The following WDR11 variants were observed in gnomAD, a reference collection of about 807,000 sequenced individuals.
WDR11 encodes WD repeat domain 11.
Under a neutral mutation model 151.2 loss-of-function variants are expected in WDR11, and 83 were observed. The observed-to-expected ratio is 0.55, with a 90% confidence interval of 0.46 to 0.66. The LOEUF is 0.66. Ranked by LOEUF, WDR11 falls within the 30% of genes least tolerant of loss-of-function variation. WDR11 has a pLI of 0.00. For synonymous variants in WDR11, 484 were observed against 533.1 expected (o/e 0.91, Z 1.27); for missense variants, 1,301 against 1,480.9 (o/e 0.88, Z 1.99).
intron 11 of WDR11, among the ~76,000 whole-genome samples, chr10:120,878,012 C>T (rs547068084): frequency 6.6e-6 from 1 of 152,234 alleles, no homozygotes; most frequent in East Asian, 1.9e-4. Context: ...TTTCTTAGGT[C>T]ATTAGTTTGT....
At chr10:120,852,324 A>C (rs1055584237) in intron 1 of WDR11, 200 bp from the exon 2 acceptor site, 4 of 560,066 alleles carry the variant, frequency 7.1e-6, no homozygotes, top group Admixed American at 3.1e-5. Context: ...ATCCGAATGA[A>C]AAGTGAATTT....
Position 120,878,484 on chromosome 10 carries a change from G to T in WDR11, c.1663+25G>T, listed in dbSNP as rs7923412. The T allele has an allele frequency of 7.2e-5, 112 of 1,565,964 alleles. No individual in the cohort carries two copies. The Middle Eastern group carries it at 1.5e-3, about 21-fold the overall frequency. On this transcript the variant is annotated intron_variant, in intron 12 of 28. Coordinates refer to ENST00000263461, the MANE Select transcript of WDR11 (RefSeq NM_018117.12). ...GGTTTGTTTTTAAAGATCCAAATAGGTTTGTCATATTGAATAAACATGTTG... is the reference window on the plus strand; with the variant it reads ...GGTTTGTTTTTAAAGATCCAAATAGTTTTGTCATATTGAATAAACATGTTG...
At chr10:120,878,578 T>C (rs1846886710) in intron 12 of WDR11, 119 bp downstream of exon 12, 3 of 756,454 alleles carry the variant, frequency 4.0e-6, no homozygotes, top group Non-Finnish European at 6.5e-6. Flanking sequence ...CATGCTTATA[T>C]ATTTATTCTT....
At chr10:120,891,699 T>G (rs1185808387) in intron 19 of WDR11, among the ~76,000 whole-genome samples, 1 of 152,336 alleles carries the variant, frequency 6.6e-6, no homozygotes, top group South Asian at 2.1e-4. Context: ...TATTTGGCAC[T>G]TCAGACACAG....
chr10:120,897,802 C>T (rs10886796), intron 19 of WDR11, among the ~76,000 whole-genome samples: 56,611 of 151,872 alleles, frequency 0.37, 10,652 homozygotes, highest in Admixed American at 0.44. Flanking sequence ...AATACAGCTG[C>T]CAGGACATTT....
chr10:120,879,135 C>T (rs144397905), intron 12 of WDR11: 2 of 152,058 alleles, frequency 1.3e-5, no homozygotes, highest in East Asian at 1.9e-4. Flanking sequence ...TATAGCAACA[C>T]GAATCATATG....
At chr10:120,878,250 G>A (rs1846870616) in intron 11 of WDR11, 103 bp from the exon 12 acceptor site, 2 of 835,922 alleles carry the variant, frequency 2.4e-6, no homozygotes, top group African/African-American at 3.4e-5. Context: ...TAATTAATTT[G>A]TGTAATAAAA....
chr10:120,875,496 A>G (rs1176788997), intron 11 of WDR11, among the ~76,000 whole-genome samples: 1 of 152,122 alleles, frequency 6.6e-6, no homozygotes, highest in Admixed American at 6.6e-5. Flanking sequence ...TATATAAAAT[A>G]TGAATTTCCA....
rs561132034 is a variant in WDR11, at chr10:120,892,755, G to A, written c.2515+1868G>A. ...CACTTCTTCCTCCAATAAAGAGGGG[G>A]CAGTCAGACAAATTAGAAGATTAGA... On this transcript the variant is annotated intron_variant, in intron 19 of 28. Transcript: ENST00000263461. Among the ~76,000 whole-genome samples, 333 of 152,256 alleles carry A rather than the reference G, an allele frequency of 2.2e-3. 1 individual carries two copies. The highest frequency in any genetic ancestry group is 7.8e-3 in the African/African-American group (323 of 41,576).
chr10:120,852,662 A>G, intron 2 of WDR11, 27 bp downstream of exon 2: 1 of 1,580,574 alleles, frequency 6.3e-7, no homozygotes, highest in Non-Finnish European at 8.7e-7. Context: ...TTTGACGCTA[A>G]CATGTTGTCT....
chr10:120,901,655 A>G (rs552799350), intron 21 of WDR11, among the ~76,000 whole-genome samples: 3 of 152,362 alleles, frequency 2.0e-5, no homozygotes, highest in African/African-American at 7.2e-5. Flanking sequence ...TCTGTTACAT[A>G]TAATTATAGT....
intron 7 of WDR11, among the ~76,000 whole-genome samples, 165 bp downstream of exon 7, chr10:120,865,909 A>C (rs965714899): frequency 3.3e-5 from 5 of 152,222 alleles, no homozygotes; most frequent in Non-Finnish European, 7.4e-5. Context: ...GCCCAAGATT[A>C]ATCTCTTGAT....
rs148286007 is a variant in WDR11 at position 120,851,431 on chromosome 10, A to G, written c.11A>G (p.Tyr4Cys). ...GGGCTGGCCGCCGGGATGTTGCCCT[A>G]CACAGTGAACTTCAAGGTGTCGGCG... is the stretch of plus-strand genomic sequence containing the variant. Reference protein sequence around the residue: MLPYTVNFKVSART... With the variant: MLPCTVNFKVSART... Residue 4 changes from tyrosine (Y) to cysteine (C), a missense_variant, in exon 1 of 29, where the codon TAC (tyrosine) becomes TGC (cysteine). Coordinates refer to ENST00000263461, the MANE Select transcript of WDR11 (RefSeq NM_018117.12). 2.7e-5 allele frequency: 43 copies of G among 1,611,540 alleles called. No homozygotes were observed. Among genetic ancestry groups the G allele is most frequent in the East Asian group, 1.1e-4 (5 of 44,818 alleles).
intron 2 of WDR11, chr10:120,855,978 A>G (rs1307605850): frequency 6.6e-6 from 1 of 152,170 alleles, no homozygotes; most frequent in Admixed American, 6.5e-5. Context: ...GATGTAAGGT[A>G]TAGGGTGTTT....
chr10:120,864,951 A>C (rs1267271774), intron 5 of WDR11, 96 bp from the exon 6 acceptor site: 1 of 1,434,964 alleles, frequency 7.0e-7, no homozygotes, highest in Non-Finnish European at 9.7e-7. Flanking sequence ...GTACATTTTT[A>C]TTGTCAATTT....
intron 9 of WDR11, 118 bp downstream of exon 9, chr10:120,867,287 A>C: frequency 1.3e-6 from 1 of 762,232 alleles, no homozygotes; most frequent in Admixed American, 2.1e-5. Flanking sequence ...AGAAAACTAG[A>C]ACATGGAATC....
At chr10:120,891,585 A>G (rs1847430450) in intron 19 of WDR11, among the ~76,000 whole-genome samples, 1 of 152,120 alleles carries the variant, frequency 6.6e-6, no homozygotes, top group East Asian at 1.9e-4. Flanking sequence ...GGAGTGGAGG[A>G]GGGAACTTCT....
In WDR11 at chr10:120,874,830, G is replaced by T. The variant is rs1846704652; in HGVS notation, c.1556+907G>T. Among the ~76,000 whole-genome samples the T allele has an allele frequency of 2.0e-5, 3 of 150,588 alleles. No individual in the cohort carries two copies. The South Asian group carries it at 6.3e-4, about 32-fold the overall frequency. Reference sequence around the variant, plus strand: ...TCTTTAATTTTACTTTAAGTTCTGGGATACATGTGCAGAATGTGCAGGTTT... The same window carrying T: ...TCTTTAATTTTACTTTAAGTTCTGGTATACATGTGCAGAATGTGCAGGTTT... On this transcript the variant is annotated intron_variant, in intron 11 of 28. Coordinates refer to ENST00000263461, the MANE Select transcript of WDR11 (RefSeq NM_018117.12).
In WDR11 at chr10:120,869,397, G is replaced by A. The variant is rs568098089; in HGVS notation, c.1295-1773G>A. Among the ~76,000 whole-genome samples, 11 of 152,286 alleles carry A rather than the reference G, an allele frequency of 7.2e-5. No homozygotes were observed. The South Asian group carries it at 1.0e-3, about 14-fold the overall frequency. On this transcript the variant is annotated intron_variant, in intron 9 of 28. Transcript: ENST00000263461. ...CAAAGTGCTGGGATTACAGGCGTGA[G>A]CCACCGCGCCCGGCCAAATTACAGT...
Sources: allele counts gnomAD v4.1 joint callset (sites outside exome capture counted in the v4.1 genomes callset), GRCh38; gene constraint gnomAD v4.1.1; transcripts MANE v1.5; gene names NCBI Gene and HGNC (gene_info 2026-07-23, HGNC 2026-07-21).